The following HEATR5A variants were observed in gnomAD, a reference collection of about 807,000 sequenced individuals.
HEATR5A encodes HEAT repeat-containing protein 5A.
In HEATR5A, 178 loss-of-function variants were observed where a neutral mutation model predicts 218.8. The ratio of observed to expected loss-of-function variants is 0.81; its 90% CI spans 0.72 to 0.92. The LOEUF (loss-of-function observed/expected upper bound fraction) is 0.92, where lower values mean the gene tolerates loss of function less well. HEATR5A is among the 40% of genes least tolerant of loss of function. HEATR5A has a pLI of 0.00. For synonymous variants in HEATR5A, 864 were observed against 871.6 expected (o/e 0.99, Z 0.15); for missense variants, 2,420 against 2,418.9 (o/e 1.00, Z -0.01).
At chr14:31,415,118 G>T (rs1018495892) in intron 1 of HEATR5A, among the ~76,000 whole-genome samples, 1 of 152,122 alleles carries the variant, frequency 6.6e-6, no homozygotes, top group Non-Finnish European at 1.5e-5. Context: ...GATTATAGGC[G>T]TGAGCCACCA....
chr14:31,297,917 A>C (rs1176280589), intron 33 of HEATR5A, among the ~76,000 whole-genome samples: 3 of 152,164 alleles, frequency 2.0e-5, no homozygotes. Flanking sequence ...CAGCAAAGTT[A>C]TTTTTAACCA....
At chr14:31,323,262 G>A (rs1460185356) in intron 24 of HEATR5A, among the ~76,000 whole-genome samples, 1 of 152,146 alleles carries the variant, frequency 6.6e-6, no homozygotes, top group Non-Finnish European at 1.5e-5. Context: ...CTGGGCTCAA[G>A]TGATATTCCT....
intron 22 of HEATR5A, among the ~76,000 whole-genome samples, chr14:31,335,949 C>T (rs945009232): frequency 3.4e-5 from 5 of 147,942 alleles, no homozygotes; most frequent in African/African-American, 1.2e-4. Flanking sequence ...GCCACTGTGA[C>T]CAGCCAGGGT....
At chr14:31,318,137 C>T (rs943708403) in intron 26 of HEATR5A, 87 bp downstream of exon 26, 5 of 1,125,000 alleles carry the variant, frequency 4.4e-6, no homozygotes, top group Non-Finnish European at 6.8e-6. Context: ...GTAAGACAAC[C>T]ATAAAGAAAA....
At position 31,302,232 on chromosome 14, in the gene HEATR5A, T is replaced by A. The variant is rs74720581; in HGVS notation, c.5464+63A>T. On this transcript the variant is annotated intron_variant, in intron 33 of 35. Transcript: ENST00000543095. Reference sequence around the variant, plus strand: ...TATGATCAAGTAAAATATCTTATCCTCAAAAAACTCTTCTTCTCACTTTTT... The same window carrying A: ...TATGATCAAGTAAAATATCTTATCCACAAAAAACTCTTCTTCTCACTTTTT... The A allele has an allele frequency of 4.3e-3, 5,122 of 1,184,082 alleles. 158 individuals are homozygous for A. The African/African-American group carries it at 0.069, about 16-fold the overall frequency. The allele number at this position is 1,184,082 out of a possible 1,614,324, so 73.3% of individuals were successfully genotyped here.
Position 31,400,313 on chromosome 14 carries a change from A to G in HEATR5A, c.326T>C (p.Leu109Pro), listed in dbSNP as rs1052292949. Reference protein sequence around the residue: ...IRSKDDSPSYLPTKLAAVVCL... With the variant: ...IRSKDDSPSYPPTKLAAVVCL... ...ATGTTTCACTTACAGCTTAGTGGGA[A>G]GATAACTTGGAGAATCATCTTTGCT... is the stretch of plus-strand genomic sequence containing the variant. Residue 109 changes from leucine to proline, a missense_variant, in exon 3 of 36, where the codon CTT becomes CCT. Coordinates refer to ENST00000543095, the MANE Select transcript of HEATR5A (RefSeq NM_015473.4). 11 of 1,532,408 alleles carry G rather than the reference A, an allele frequency of 7.2e-6. No homozygotes were observed. In the Admixed American group the frequency reaches 2.0e-4, roughly 27 times the overall value. The allele number at this position is 1,532,408 out of a possible 1,614,324, so 94.9% of individuals were successfully genotyped here. A position where few individuals can be genotyped will look rare whatever the true frequency, so the allele number is the denominator to read the frequency against.
At chr14:31,398,557 T>C (rs1595174775) in intron 4 of HEATR5A, 116 bp downstream of exon 4, 3 of 577,162 alleles carry the variant, frequency 5.2e-6, no homozygotes, top group South Asian at 2.6e-5. Context: ...TATGGGTACA[T>C]TTATATTCAT....
In HEATR5A at chr14:31,316,588, T is replaced by C. The variant is rs549429283; in HGVS notation, c.4039-639A>G. 3.9e-5 allele frequency among the ~76,000 whole-genome samples: 6 copies of C among 152,350 alleles called. No homozygotes were observed. The South Asian group carries it at 1.0e-3, about 26-fold the overall frequency. On this transcript the variant is annotated intron_variant, in intron 26 of 35. Transcript: ENST00000543095. ...AAATAATAAAACCCCAACAAAAATT[T>C]TGATTGTTTTGAAGACAGTGTAATT...
At chr14:31,392,640 T>C (rs1319883763) in intron 6 of HEATR5A, among the ~76,000 whole-genome samples, 1 of 152,180 alleles carries the variant, frequency 6.6e-6, no homozygotes, top group Non-Finnish European at 1.5e-5. Context: ...GACTCTCATA[T>C]CCAGCTGTCT....
intron 13 of HEATR5A, among the ~76,000 whole-genome samples, chr14:31,366,314 G>A (rs1209159437): frequency 6.6e-6 from 1 of 152,086 alleles, no homozygotes; most frequent in Non-Finnish European, 1.5e-5. Flanking sequence ...GAATTTTTTA[G>A]TTACCAAATT....
chr14:31,320,225 C>A, intron 25 of HEATR5A: 1 of 660,818 alleles, frequency 1.5e-6, no homozygotes, highest in South Asian at 1.4e-5. Flanking sequence ...CACGGAGCCT[C>A]ACATGGCGAA....
At chr14:31,323,181 A>C (rs562954806) in intron 24 of HEATR5A, among the ~76,000 whole-genome samples, 2 of 152,352 alleles carry the variant, frequency 1.3e-5, no homozygotes, top group South Asian at 4.1e-4. Context: ...TGCCAATATA[A>C]GAAGCTTAAC....
At chr14:31,367,494 G>A (rs1025383190) in intron 13 of HEATR5A, among the ~76,000 whole-genome samples, 2 of 146,966 alleles carry the variant, frequency 1.4e-5, no homozygotes, top group African/African-American at 5.0e-5. Context: ...CTGTCTCCTC[G>A]TTTCAGACTA....
intron 28 of HEATR5A, among the ~76,000 whole-genome samples, chr14:31,310,681 T>G (rs1434646336): frequency 6.6e-6 from 1 of 152,066 alleles, no homozygotes; most frequent in African/African-American, 2.4e-5. Flanking sequence ...TAAATAATTT[T>G]TTTTCCACTT....
At position 31,293,342 on chromosome 14, in the gene HEATR5A, T is replaced by C. The variant is rs759733714; in HGVS notation, c.6104A>G (p.Lys2035Arg). The C allele has an allele frequency of 6.3e-7, 1 of 1,596,898 alleles. No individual in the cohort carries two copies. Among genetic ancestry groups the C allele is most frequent in the South Asian group, 1.2e-5 (1 of 86,338 alleles). ...GGTCTTTAATTGGATGCTTGAGTTTTTTCCAGGACTCTTAGTATATTTAGA... is the reference window on the plus strand; with the variant it reads ...GGTCTTTAATTGGATGCTTGAGTTTCTTCCAGGACTCTTAGTATATTTAGA... Reference protein sequence around the residue: ...PTSKYTKSPGKNSSIQLKTSF... With the variant: ...PTSKYTKSPGRNSSIQLKTSF... The change falls in exon 36 of 36, where the codon AAA becomes AGA. Residue 2035 changes from lysine (K) to arginine (R), a missense_variant. Lys to Arg is a conservative substitution (Grantham distance 26). Coordinates refer to ENST00000543095, the MANE Select transcript of HEATR5A (RefSeq NM_015473.4).
chr14:31,398,967 T>G (rs974944594), intron 3 of HEATR5A, among the ~76,000 whole-genome samples, 186 bp from the exon 4 acceptor site: 3 of 152,230 alleles, frequency 2.0e-5, no homozygotes, highest in Non-Finnish European at 2.9e-5. Context: ...TTTTGTCAGT[T>G]GTGCTTTTTG....
Position 31,400,437 on chromosome 14 carries a change from T to C in HEATR5A, c.202A>G (p.Thr68Ala). 6.5e-7 allele frequency: 1 copy of C among 1,535,944 alleles called. No homozygotes were observed. The highest frequency in any genetic ancestry group is 8.7e-7 in the Non-Finnish European group (1 of 1,146,830). The stretch of plus-strand genomic sequence containing the variant: ...AGATTCTTAGCAAGCAGTTTGCGGG[T>C]AGGAGGCCCTGGGGAGCTGTTCAAC... ...SLLNSSPGPP[T>A]RKLLAKNLAI... is the part of the protein sequence containing the mutation. Residue 68 changes from threonine to alanine, a missense_variant, in exon 3 of 36, where the codon ACC becomes GCC. Physicochemically the swap from Thr to Ala is moderately conservative, Grantham distance 58. Transcript: ENST00000543095.
chr14:31,316,020 A>C, intron 26 of HEATR5A, 71 bp from the exon 27 acceptor site: 119 of 1,232,294 alleles, frequency 9.7e-5, no homozygotes, highest in Non-Finnish European at 1.2e-4. Context: ...GTGGTGGCTC[A>C]TGCCTGTAAT....
At position 31,351,512 on chromosome 14, in the gene HEATR5A, A is replaced by G. The variant is rs565720481; in HGVS notation, c.2412-795T>C. Reference sequence around the variant, plus strand: ...TGTCTCAGAGAAAGAAAGAAAGAAAAAAAAAAAAACAATAAAAATGATGTG... The same window carrying G: ...TGTCTCAGAGAAAGAAAGAAAGAAAGAAAAAAAAACAATAAAAATGATGTG... On this transcript the variant is annotated intron_variant, in intron 16 of 35. Coordinates refer to ENST00000543095, the MANE Select transcript of HEATR5A (RefSeq NM_015473.4). Among the ~76,000 whole-genome samples the G allele has an allele frequency of 9.8e-3, 1,495 of 151,982 alleles. 20 individuals carry two copies. Among genetic ancestry groups the G allele is most frequent in the African/African-American group, 0.034 (1,416 of 41,452 alleles).
Sources: gnomAD v4.1 joint callset for allele counts (sites outside exome capture counted in the v4.1 genomes callset) on GRCh38, gnomAD v4.1.1 for gene constraint, MANE v1.5 for transcripts, NCBI Gene and HGNC (gene_info 2026-07-23, HGNC 2026-07-21) for gene names.